Variants in MGMT observed in about 807,000 individuals in gnomAD.
The protein encoded by MGMT is O-6-methylguanine-DNA methyltransferase.
In MGMT, 14 loss-of-function variants were observed where a neutral mutation model predicts 15.9. The ratio of observed to expected loss-of-function variants is 0.88; its 90% CI spans 0.58 to 1.37. The LOEUF (loss-of-function observed/expected upper bound fraction) is 1.37. Ranked by LOEUF, MGMT falls within the 40% of genes most tolerant of loss-of-function variation. The pLI is 0.00. For synonymous variants in MGMT, 130 were observed against 118.2 expected (o/e 1.10, Z -0.65); for missense variants, 282 against 268.1 (o/e 1.05, Z -0.36).
In MGMT at chr10:129,536,251, A is replaced by G. The variant is rs763834816; in HGVS notation, c.-2A>G. On this transcript the variant is annotated 5_prime_UTR_variant, in exon 2 of 5. Coordinates refer to ENST00000651593, the MANE Select transcript of MGMT (RefSeq NM_002412.5). Reference sequence around the variant, plus strand: ...ATTATTTCTGTTTAGGTACTTGGAAAAATGGACAAGGATTGTGAAATGAAA... The same window carrying G: ...ATTATTTCTGTTTAGGTACTTGGAAGAATGGACAAGGATTGTGAAATGAAA... 1.2e-6 allele frequency: 2 copies of G among 1,613,784 alleles called. No homozygotes were observed. Among genetic ancestry groups the G allele is most frequent in the East Asian group, 2.2e-5 (1 of 44,892 alleles).
Position 129,566,519 on chromosome 10 carries a change from G to T in MGMT, c.125+30142G>T, listed in dbSNP as rs920146954. On this transcript the variant is annotated intron_variant, in intron 2 of 4. Transcript: ENST00000651593. The surrounding 1 kb of genome is among the most constrained non-coding windows in gnomAD (Gnocchi z 4.1). ...CATTGTCCTCTCCCACTTCCTCCCCGAGCTTCCCATTCCGTGTCTCTCTGG... is the reference window on the plus strand; with the variant it reads ...CATTGTCCTCTCCCACTTCCTCCCCTAGCTTCCCATTCCGTGTCTCTCTGG... 2.6e-5 allele frequency among the ~76,000 whole-genome samples: 4 copies of T among 152,172 alleles called. No homozygotes were observed. The highest frequency in any genetic ancestry group is 9.6e-5 in the African/African-American group (4 of 41,526).
At chr10:129,541,185 T>G (rs117035218) in intron 2 of MGMT, among the ~76,000 whole-genome samples, 1 of 152,266 alleles carries the variant, frequency 6.6e-6, no homozygotes, top group South Asian at 2.1e-4. Context: ...CGGGGACCAA[T>G]GACTTCCTTG....
chr10:129,706,953 G>A (rs541488897), intron 2 of MGMT, among the ~76,000 whole-genome samples: 1 of 152,124 alleles, frequency 6.6e-6, no homozygotes, highest in African/African-American at 2.4e-5. Context: ...GAAATCAAAG[G>A]GAGGAGAGTG....
At chr10:129,695,686 T>G (rs1011023821) in intron 2 of MGMT, among the ~76,000 whole-genome samples, 1 of 152,218 alleles carries the variant, frequency 6.6e-6, no homozygotes, top group African/African-American at 2.4e-5. Context: ...CCAAAAGTAT[T>G]ATTTCTCATT....
chr10:129,753,258 T>G (rs946922816), intron 3 of MGMT, among the ~76,000 whole-genome samples: 1 of 152,320 alleles, frequency 6.6e-6, no homozygotes, highest in Admixed American at 6.5e-5. Context: ...CAAGACTTTC[T>G]CTGAAGCTTT....
At chr10:129,750,178 T>C (rs1174711274) in intron 3 of MGMT, among the ~76,000 whole-genome samples, 3 of 152,158 alleles carry the variant, frequency 2.0e-5, no homozygotes, top group Non-Finnish European at 4.4e-5. Context: ...TAAAAACTCT[T>C]CTCCCAACCT....
At chr10:129,697,606 G>A (rs1255071346) in intron 2 of MGMT, among the ~76,000 whole-genome samples, 1 of 152,242 alleles carries the variant, frequency 6.6e-6, no homozygotes, top group African/African-American at 2.4e-5. Flanking sequence ...GTAAATAGCA[G>A]CTGTGCAGTG....
At chr10:129,697,773 C>T (rs979327911) in intron 2 of MGMT, among the ~76,000 whole-genome samples, 7 of 152,160 alleles carry the variant, frequency 4.6e-5, no homozygotes, top group Non-Finnish European at 8.8e-5. Flanking sequence ...TTGCCTGTGG[C>T]TGACCTTGGC....
chr10:129,762,718 G>A (rs1001879444), intron 4 of MGMT, among the ~76,000 whole-genome samples: 3 of 152,160 alleles, frequency 2.0e-5, no homozygotes, highest in African/African-American at 7.2e-5. Context: ...CATTCCTGAG[G>A]AGTTAGTTTA....
chr10:129,519,818 C>T (rs571492945), intron 1 of MGMT, among the ~76,000 whole-genome samples: 3 of 152,088 alleles, frequency 2.0e-5, no homozygotes, highest in Admixed American at 6.5e-5. Flanking sequence ...ATCAGTGGCT[C>T]GTGGGTGTTG....
chr10:129,510,603 A>ATATG (rs1675771077), intron 1 of MGMT, among the ~76,000 whole-genome samples: 1 of 152,210 alleles, frequency 6.6e-6, no homozygotes, highest in African/African-American at 2.4e-5. Flanking sequence ...TCTGTAACAG[A>ATATG]TATGTGTCAA....
chr10:129,662,538 A>G (rs1252459659), intron 2 of MGMT, among the ~76,000 whole-genome samples: 1 of 152,194 alleles, frequency 6.6e-6, no homozygotes, highest in Admixed American at 6.5e-5. Flanking sequence ...CTAAAGAGAC[A>G]CAGTAACCCT....
intron 3 of MGMT, among the ~76,000 whole-genome samples, chr10:129,736,853 A>G (rs1029942183): frequency 5.9e-5 from 9 of 152,170 alleles, no homozygotes; most frequent in African/African-American, 2.2e-4. Flanking sequence ...TTCTGGGTTG[A>G]AAATTCTTTT....
intron 3 of MGMT, chr10:129,717,664 T>C (rs1848315464): frequency 6.6e-6 from 1 of 152,178 alleles, no homozygotes; most frequent in African/African-American, 2.4e-5. Flanking sequence ...TTTTGATGTA[T>C]GGTACAGTCT....
intron 1 of MGMT, among the ~76,000 whole-genome samples, chr10:129,520,253 C>T (rs1331994656): frequency 6.6e-6 from 1 of 152,152 alleles, no homozygotes; most frequent in East Asian, 1.9e-4. Context: ...GATGTACAGC[C>T]GCTGGCACAG....
intron 4 of MGMT, among the ~76,000 whole-genome samples, chr10:129,761,804 GT>G (rs1848877294): frequency 6.6e-6 from 1 of 152,216 alleles, no homozygotes; most frequent in African/African-American, 2.4e-5. Context: ...CCAGGCGGTG[GT>G]GGCTTCTCGT....
intron 2 of MGMT, among the ~76,000 whole-genome samples, chr10:129,689,121 G>A (rs1311511689): frequency 6.6e-6 from 1 of 151,984 alleles, no homozygotes; most frequent in Non-Finnish European, 1.5e-5. Context: ...GTAGAGATGG[G>A]GTTTAGCCAC....
rs1845178361 is a variant in MGMT, at chr10:129,467,268, T to C, written c.-41T>C. ...CGCTTTGCGTCCCGACGCCCGCAGG[T>C]CCTCGCGGTGCGCACCGTTTGCGAC... On this transcript the variant is annotated 5_prime_UTR_variant, in exon 1 of 5. Transcript: ENST00000651593. 2 of 1,537,810 alleles carry C rather than the reference T, an allele frequency of 1.3e-6. No individual in the cohort carries two copies. Among genetic ancestry groups the C allele is most frequent in the African/African-American group, 1.4e-5 (1 of 71,892 alleles).
chr10:129,764,613 G>A (rs1238289013), intron 4 of MGMT, among the ~76,000 whole-genome samples: 1 of 152,278 alleles, frequency 6.6e-6, no homozygotes, highest in South Asian at 2.1e-4. Context: ...GCTTTGGAGG[G>A]TGGAGCGTGG....
Sources: gnomAD v4.1 joint callset for allele counts (sites outside exome capture counted in the v4.1 genomes callset) on GRCh38, gnomAD v4.1.1 for gene constraint, Gnocchi (gnomAD v3.1) non-coding constraint, MANE v1.5 for transcripts, NCBI Gene and HGNC (gene_info 2026-07-23, HGNC 2026-07-21) for gene names.